The following GNAL variants were observed in gnomAD, a reference collection of about 807,000 sequenced individuals.
GNAL encodes the protein G protein subunit alpha L, also known as guanine nucleotide-binding protein G(olf) subunit alpha.
GNAL carries 18 observed loss-of-function variants against 55.1 expected under a neutral mutation model. The observed-to-expected ratio is 0.33, with a 90% CI of 0.23 to 0.48. GNAL has a LOEUF of 0.48. GNAL is among the 20% of genes least tolerant of loss of function. The probability of loss-of-function intolerance (pLI) is 0.99; values close to 1 mark genes in which losing one functional copy is unlikely to be tolerated. For missense variants in GNAL, 412 were observed against 614.1 expected, an observed-to-expected ratio of 0.67 and a Z score of 3.48; for synonymous variants, 253 against 237.0, an observed-to-expected ratio of 1.07 and a Z score of -0.62.
intron 4 of GNAL, among the ~76,000 whole-genome samples, chr18:11,785,006 A>C (rs2034018663): frequency 6.6e-6 from 1 of 152,232 alleles, no homozygotes. Context: ...ATGTTGTTGG[A>C]AGAAAGTTTC....
chr18:11,780,460 A>C (rs757565113), intron 4 of GNAL, among the ~76,000 whole-genome samples: 1 of 152,208 alleles, frequency 6.6e-6, no homozygotes, highest in South Asian at 2.1e-4. Flanking sequence ...CAAAAAATGA[A>C]TGTTTACAGT....
At chr18:11,788,871 T>C (rs1417237186) in intron 4 of GNAL, among the ~76,000 whole-genome samples, 1 of 121,850 alleles carries the variant, frequency 8.2e-6, no homozygotes, top group East Asian at 2.5e-4. Flanking sequence ...CACTCCAGCC[T>C]AGGAGACAGA....
At chr18:11,880,957 C>T (rs1406670031) in intron 11 of GNAL, 32 bp from the exon 12 acceptor site, 6 of 1,603,282 alleles carry the variant, frequency 3.7e-6, no homozygotes, top group Non-Finnish European at 4.3e-6. Flanking sequence ...GCTGGGGCCG[C>T]GCAGGGCTAG....
chr18:11,801,202 G>A (rs2034512265), intron 4 of GNAL, among the ~76,000 whole-genome samples: 1 of 152,140 alleles, frequency 6.6e-6, no homozygotes, highest in South Asian at 2.1e-4. Context: ...TGCCCTGGGG[G>A]AGCTTATAGT....
intron 2 of GNAL, chr18:11,753,427 G>A (rs1013635931): frequency 3.8e-6 from 2 of 527,614 alleles, no homozygotes; most frequent in African/African-American, 3.9e-5. Context: ...GTGCATTCAA[G>A]TTTGTTTAGA....
rs1259211118 is a variant in GNAL, at chr18:11,787,587, A to G, written c.624+33642A>G. Reference sequence around the variant, plus strand: ...CTATTTTCATGTGTATTTAGGAAATATTTGGCCGGGCGCGGTGGCCCACGC... The same window carrying G: ...CTATTTTCATGTGTATTTAGGAAATGTTTGGCCGGGCGCGGTGGCCCACGC... On this transcript the variant is annotated intron_variant, in intron 4 of 11. Coordinates refer to ENST00000334049, the MANE Select transcript of GNAL (RefSeq NM_182978.4). Among the ~76,000 whole-genome samples the G allele has an allele frequency of 2.0e-5, 3 of 152,204 alleles. 1 individual carries two copies. In the South Asian group the frequency reaches 6.2e-4, roughly 31 times the overall value.
chr18:11,694,245 G>A (rs1470792943), intron 1 of GNAL, among the ~76,000 whole-genome samples: 2 of 152,076 alleles, frequency 1.3e-5, no homozygotes, highest in Admixed American at 6.6e-5. Context: ...GTCCTCTAGT[G>A]GAAATAAAGG....
chr18:11,715,267 G>T (rs541322295), intron 1 of GNAL, among the ~76,000 whole-genome samples: 307 of 150,474 alleles, frequency 2.0e-3, no homozygotes, highest in African/African-American at 7.2e-3. Flanking sequence ...AGACCATCCT[G>T]GCTAACACGG....
intron 5 of GNAL, among the ~76,000 whole-genome samples, chr18:11,847,317 A>G (rs1486640279): frequency 6.6e-6 from 1 of 152,120 alleles, no homozygotes; most frequent in African/African-American, 2.4e-5. Context: ...ATAACATTTC[A>G]AAATCACCAG....
intron 5 of GNAL, among the ~76,000 whole-genome samples, chr18:11,839,075 A>T (rs1177464665): frequency 6.6e-6 from 1 of 152,172 alleles, no homozygotes; most frequent in Non-Finnish European, 1.5e-5. Flanking sequence ...AATTTTGTAA[A>T]CTGTTCATTA....
intron 1 of GNAL, among the ~76,000 whole-genome samples, chr18:11,719,316 T>C (rs1222692948): frequency 6.6e-6 from 1 of 152,074 alleles, no homozygotes. Context: ...TTATCTTCTT[T>C]ACAAATGACA....
chr18:11,846,464 T>TATACACACAC (rs1555613166), intron 5 of GNAL, among the ~76,000 whole-genome samples: 4,425 of 140,020 alleles, frequency 0.032, 113 homozygotes, highest in Middle Eastern at 0.067. Context: ...TATATAAATA[T>TATACACACAC]ACACACACAC....
At chr18:11,880,610 C>T (rs2036656797) in intron 11 of GNAL, among the ~76,000 whole-genome samples, 1 of 152,060 alleles carries the variant, frequency 6.6e-6, no homozygotes, top group Non-Finnish European at 1.5e-5. Context: ...ATAAAATTAG[C>T]TAATTAGAAA....
chr18:11,853,331 A>T lies in GNAL; in HGVS notation c.723-9064A>T, dbSNP rs578003910. The stretch of plus-strand genomic sequence containing the variant: ...CTAGAGCCCAGCTGTGCTGCCTGCC[A>T]TCTTCTCAGGAATGGCAGTGCGTAT... On this transcript the variant is annotated intron_variant, in intron 5 of 11. Coordinates refer to ENST00000334049, the MANE Select transcript of GNAL (RefSeq NM_182978.4). The T allele has an allele frequency of 2.4e-5, 4 of 167,130 alleles. 1 individual carries two copies. The South Asian group carries it at 8.3e-4, about 35-fold the overall frequency. The allele number at this position is 167,130 out of a possible 1,614,324, so 10.4% of individuals were successfully genotyped here. A position where few individuals can be genotyped will look rare whatever the true frequency, so the allele number is the denominator to read the frequency against.
intron 1 of GNAL, among the ~76,000 whole-genome samples, chr18:11,691,169 G>A (rs2031235985): frequency 1.3e-5 from 2 of 151,848 alleles, no homozygotes; most frequent in African/African-American, 4.8e-5. Flanking sequence ...GTGTGAGATG[G>A]TATCTCATTG....
At chr18:11,864,275 G>T (rs914105305) in intron 6 of GNAL, among the ~76,000 whole-genome samples, 1 of 151,940 alleles carries the variant, frequency 6.6e-6, no homozygotes, top group Admixed American at 6.6e-5. Flanking sequence ...TGTATTTTTA[G>T]TAGAGATAGG....
At chr18:11,733,333 G>T (rs1276165028) in intron 1 of GNAL, among the ~76,000 whole-genome samples, 1 of 152,302 alleles carries the variant, frequency 6.6e-6, no homozygotes, top group East Asian at 1.9e-4. Flanking sequence ...CCTTTAAACT[G>T]CTCTGCCTGC....
chr18:11,714,748 T>C (rs1405722289), intron 1 of GNAL, among the ~76,000 whole-genome samples: 1 of 152,260 alleles, frequency 6.6e-6, no homozygotes, highest in Admixed American at 6.5e-5. Flanking sequence ...TGTAGCCATC[T>C]GTTTAGGAAC....
chr18:11,844,951 C>T (rs1189289983), intron 5 of GNAL, among the ~76,000 whole-genome samples: 3 of 152,014 alleles, frequency 2.0e-5, no homozygotes, highest in African/African-American at 7.3e-5. Flanking sequence ...CTGCAACCTC[C>T]GCCTCCTGGG....
Sources: allele counts gnomAD v4.1 joint callset (sites outside exome capture counted in the v4.1 genomes callset), GRCh38; gene constraint gnomAD v4.1.1; transcripts MANE v1.5; gene names NCBI Gene and HGNC (gene_info 2026-07-23, HGNC 2026-07-21).